The following ARID2 variants were observed in gnomAD, a reference collection of about 807,000 sequenced individuals.
ARID2 encodes AT-rich interactive domain-containing protein 2.
A neutral mutation model predicts 184.6 loss-of-function variants in ARID2; 32 were observed. The observed-to-expected ratio is 0.17, with a 90% confidence interval of 0.13 to 0.23. The LOEUF (loss-of-function observed/expected upper bound fraction) is 0.23. ARID2 is among the 10% of genes least tolerant of loss of function. The probability of loss-of-function intolerance (pLI) is 1.00; values close to 1 mark genes in which losing one functional copy is unlikely to be tolerated. For missense variants in ARID2, 1,696 were observed against 2,197.6 expected (o/e 0.77, Z 4.56); for synonymous variants, 836 against 772.6 (o/e 1.08, Z -1.36).
intron 3 of ARID2, among the ~76,000 whole-genome samples, chr12:45,770,520 G>A (rs1174607297): frequency 1.3e-5 from 2 of 152,204 alleles, no homozygotes. Context: ...TGGTTCCCAA[G>A]CTCTTGTCCC....
intron 15 of ARID2, among the ~76,000 whole-genome samples, chr12:45,853,564 A>G (rs1045614094): frequency 1.3e-5 from 2 of 152,238 alleles, no homozygotes; most frequent in African/African-American, 4.8e-5. Context: ...TAAAATCAGC[A>G]CTACCAAGTT....
At chr12:45,899,671 TTATATATGGTTATATATATATGG>T (rs1944424889) in intron 20 of ARID2, among the ~76,000 whole-genome samples, 2 of 45,126 alleles carry the variant, frequency 4.4e-5, no homozygotes, top group South Asian at 9.0e-4. Context: ...ATATATATGG[TTATATATGGTTATATATATATGG>T]TTATATATAT....
rs2138160401 is a variant in ARID2, at chr12:45,850,271, T to C, written c.2148T>C (p.Ala716=). 1 of 1,614,136 alleles carries C rather than the reference T, an allele frequency of 6.2e-7. No individual in the cohort carries two copies. The highest frequency in any genetic ancestry group is 8.5e-7 in the Non-Finnish European group (1 of 1,180,004). ...KAPIPCEVVK[A]TVIQNSIPQT... ...CAATTCCTTGTGAAGTTGTTAAGGC[T>C]ACAGTTATCCAGAATTCCATACCCC... Residue 716 remains alanine, a synonymous_variant, in exon 15 of 21, where the codon GCT becomes GCC. Coordinates refer to ENST00000334344, the MANE Select transcript of ARID2 (RefSeq NM_152641.4).
At chr12:45,891,163 C>CAAA (rs111941337) in intron 16 of ARID2, among the ~76,000 whole-genome samples, 2 of 115,522 alleles carry the variant, frequency 1.7e-5, no homozygotes, top group Non-Finnish European at 3.9e-5. Context: ...GACTCCGTCT[C>CAAA]AAAAAAAAAA....
intron 3 of ARID2, among the ~76,000 whole-genome samples, chr12:45,770,302 G>C (rs1270441536): frequency 6.6e-6 from 1 of 152,002 alleles, no homozygotes; most frequent in Non-Finnish European, 1.5e-5. Flanking sequence ...TTCCCAGACA[G>C]ATAAACAAAA....
At chr12:45,898,587 G>A (rs750195266) in intron 20 of ARID2, among the ~76,000 whole-genome samples, 6 of 152,156 alleles carry the variant, frequency 3.9e-5, no homozygotes, top group African/African-American at 1.4e-4. Flanking sequence ...GCACAATTCC[G>A]TGAATATACT....
intron 5 of ARID2, among the ~76,000 whole-genome samples, chr12:45,821,119 T>C (rs1237867342): frequency 2.0e-5 from 3 of 152,170 alleles, no homozygotes; most frequent in Non-Finnish European, 2.9e-5. Flanking sequence ...ATTTTTCTTC[T>C]GTATAAATGA....
chr12:45,729,780 G>C lies in ARID2; in HGVS notation c.-57G>C, dbSNP rs1187682634. 1.4e-5 allele frequency: 21 copies of C among 1,490,504 alleles called. No homozygotes were observed. The East Asian group carries it at 4.2e-4, about 30-fold the overall frequency. 92.3% of individuals were successfully genotyped at this position (1,490,504 alleles called of 1,614,324 possible). A position where few individuals can be genotyped will look rare whatever the true frequency, so the allele number is the denominator to read the frequency against. ...GGCTCTGGTAGGAAGCGCTGGGAGC[G>C]GGGGGCGCTTTTAAAACACCGATCT... On this transcript the variant is annotated 5_prime_UTR_variant, in exon 1 of 21. Coordinates refer to ENST00000334344, the MANE Select transcript of ARID2 (RefSeq NM_152641.4).
chr12:45,732,422 A>G (rs1941021537), intron 3 of ARID2, among the ~76,000 whole-genome samples: 1 of 152,238 alleles, frequency 6.6e-6, no homozygotes, highest in Admixed American at 6.5e-5. Context: ...TGGAGTTCGC[A>G]GAACTTTGTG....
rs546100039 is a variant in ARID2 at position 45,889,420 on chromosome 12, T to C, written c.4923-2360T>C. Among the ~76,000 whole-genome samples the C allele has an allele frequency of 1.2e-4, 19 of 152,312 alleles. No individual in the cohort carries two copies. In the East Asian group the frequency reaches 1.4e-3, roughly 11 times the overall value. ...TTCCCAGTTCCCTTAAATGAACATA[T>C]TGTTTATGATTTGCGGGTTGCTGAT... On this transcript the variant is annotated intron_variant, in intron 16 of 20. Coordinates refer to ENST00000334344, the MANE Select transcript of ARID2 (RefSeq NM_152641.4).
chr12:45,800,383 T>C (rs1048738274), intron 3 of ARID2, among the ~76,000 whole-genome samples: 3 of 152,184 alleles, frequency 2.0e-5, no homozygotes, highest in Non-Finnish European at 4.4e-5. Context: ...TGTGCAATTT[T>C]ATTGAGAATA....
chr12:45,791,550 A>T (rs920303655), intron 3 of ARID2, among the ~76,000 whole-genome samples: 1 of 152,078 alleles, frequency 6.6e-6, no homozygotes, highest in Non-Finnish European at 1.5e-5. Context: ...GGTTCTGATG[A>T]ACTCTTCTCC....
chr12:45,899,697 A>ATATATATATGGTTT (rs1565644923), intron 20 of ARID2, among the ~76,000 whole-genome samples: 8 of 105,520 alleles, frequency 7.6e-5, no homozygotes, highest in South Asian at 3.0e-4. Flanking sequence ...ATATATGGTT[A>ATATATATATGGTTT]TATATATATA....
chr12:45,880,447 T>C (rs371832620), intron 16 of ARID2, among the ~76,000 whole-genome samples: 4 of 152,340 alleles, frequency 2.6e-5, no homozygotes, highest in African/African-American at 7.2e-5. Context: ...CTGAACCTTA[T>C]ACAGTTACAA....
chr12:45,730,826 C>A (rs367954741), intron 2 of ARID2, among the ~76,000 whole-genome samples: 7 of 151,658 alleles, frequency 4.6e-5, no homozygotes, highest in South Asian at 2.1e-4. Flanking sequence ...CGGCCCCCCC[C>A]CCAACCCGCG....
At chr12:45,889,952 T>A (rs1172101866) in intron 16 of ARID2, among the ~76,000 whole-genome samples, 1 of 152,120 alleles carries the variant, frequency 6.6e-6, no homozygotes, top group African/African-American at 2.4e-5. Context: ...ATAAATAAAA[T>A]TCAGGTAGTT....
intron 3 of ARID2, among the ~76,000 whole-genome samples, chr12:45,777,124 A>G (rs568151806): frequency 1.3e-5 from 2 of 152,016 alleles, no homozygotes; most frequent in African/African-American, 4.8e-5. Context: ...GATATTTTAT[A>G]TAAAAAAGGA....
chr12:45,904,839 T>C (rs1303583533), intron 20 of ARID2, 95 bp from the exon 21 acceptor site: 10 of 1,288,542 alleles, frequency 7.8e-6, no homozygotes, highest in Non-Finnish European at 9.7e-6. Context: ...AGCTATGTAT[T>C]GTTTCTATTT....
rs536511934 is a variant in ARID2, at chr12:45,820,910, G to A, written c.638-510G>A. Among the ~76,000 whole-genome samples the A allele has an allele frequency of 6.6e-5, 10 of 152,230 alleles. No individual in the cohort carries two copies. The South Asian group carries it at 1.9e-3, about 28-fold the overall frequency. On this transcript the variant is annotated intron_variant, in intron 5 of 20. Coordinates refer to ENST00000334344, the MANE Select transcript of ARID2 (RefSeq NM_152641.4). The stretch of plus-strand genomic sequence containing the variant: ...AAGTTGTTGATAAAGCAACTTTATC[G>A]AGAAACACAAGCGTGATGTAGGCCT...
Sources: allele counts gnomAD v4.1 joint callset (sites outside exome capture counted in the v4.1 genomes callset), GRCh38; gene constraint gnomAD v4.1.1; transcripts MANE v1.5; gene names NCBI Gene and HGNC (gene_info 2026-07-23, HGNC 2026-07-21).